The following SLC24A2 variants were observed in gnomAD, a reference collection of about 807,000 sequenced individuals.
SLC24A2 encodes the protein solute carrier family 24 member 2.
Under a neutral mutation model 62.0 loss-of-function variants are expected in SLC24A2, and 36 were observed. That is an observed-to-expected ratio of 0.58 (90% CI 0.44 to 0.77). The LOEUF (loss-of-function observed/expected upper bound fraction) is 0.77. Among genes scored for constraint, SLC24A2 ranks in the 30% least tolerant of loss-of-function variants. SLC24A2 has a pLI of 0.00. For synonymous variants in SLC24A2, 358 were observed against 294.0 expected, an observed-to-expected ratio of 1.22 and a Z score of -2.23; for missense variants, 846 against 817.9, an observed-to-expected ratio of 1.03 and a Z score of -0.42.
chr9:20,209,215 A>C, the SLC24A2 span, among the ~76,000 whole-genome samples: 27 of 152,340 alleles, frequency 1.8e-4, no homozygotes, highest in East Asian at 5.0e-3. Flanking sequence ...TCAGGCTTCA[A>C]GACCAGCTTA....
chr9:20,210,528 T>C, the SLC24A2 span, among the ~76,000 whole-genome samples: 126 of 150,550 alleles, frequency 8.4e-4, 1 homozygote, highest in Middle Eastern at 3.4e-3. Context: ...GGCTGGAGTG[T>C]AGTGGCGCGA....
intron 7 of SLC24A2, among the ~76,000 whole-genome samples, chr9:19,552,743 G>A (rs1563958319): frequency 6.6e-6 from 1 of 152,058 alleles, no homozygotes; most frequent in African/African-American, 2.4e-5. Context: ...ACCAACAGAT[G>A]GTGACATTTC....
the SLC24A2 span, among the ~76,000 whole-genome samples, chr9:19,869,886 C>T: frequency 6.6e-6 from 1 of 152,162 alleles, no homozygotes. Context: ...TGTCTGGTGT[C>T]ACTTCCTTTC....
the SLC24A2 span, among the ~76,000 whole-genome samples, chr9:20,062,068 A>G: frequency 1.3e-5 from 2 of 152,068 alleles, no homozygotes; most frequent in Non-Finnish European, 2.9e-5. Context: ...TCTCTCCAAA[A>G]AGAAAAAGAA....
chr9:19,636,194 G>C (rs1818307011), intron 2 of SLC24A2, among the ~76,000 whole-genome samples: 1 of 151,878 alleles, frequency 6.6e-6, no homozygotes, highest in African/African-American at 2.4e-5. Flanking sequence ...TTGGCTTATT[G>C]GTAGACAATA....
the SLC24A2 span, among the ~76,000 whole-genome samples, chr9:20,102,237 T>C: frequency 6.6e-6 from 1 of 152,144 alleles, no homozygotes; most frequent in Non-Finnish European, 1.5e-5. Context: ...AGAGACTAGA[T>C]TTTCTACTAA....
the SLC24A2 span, among the ~76,000 whole-genome samples, chr9:19,882,821 T>A: frequency 6.6e-6 from 1 of 152,192 alleles, no homozygotes; most frequent in Non-Finnish European, 1.5e-5. Flanking sequence ...AAATGTCATC[T>A]TTTAATATCT....
At chr9:19,909,251 A>T in the SLC24A2 span, among the ~76,000 whole-genome samples, 1 of 151,588 alleles carries the variant, frequency 6.6e-6, no homozygotes, top group Non-Finnish European at 1.5e-5. Flanking sequence ...CAAACGCCGC[A>T]TGTTCTCACT....
chr9:19,961,633 TACTCTC>T, the SLC24A2 span, among the ~76,000 whole-genome samples: 4 of 152,238 alleles, frequency 2.6e-5, no homozygotes, highest in Admixed American at 6.5e-5. Context: ...CTCTGTGTAA[TACTCTC>T]TTCCTGTCAA....
chr9:20,150,752 T>C, the SLC24A2 span, among the ~76,000 whole-genome samples: 1 of 151,778 alleles, frequency 6.6e-6, no homozygotes, highest in African/African-American at 2.4e-5. Flanking sequence ...AATGAAAAAG[T>C]TATACAACTA....
At chr9:20,163,704 A>T in the SLC24A2 span, among the ~76,000 whole-genome samples, 3 of 152,192 alleles carry the variant, frequency 2.0e-5, no homozygotes, top group African/African-American at 4.8e-5. Context: ...ACAAAGCTGG[A>T]GGCATCATGC....
At chr9:20,071,942 A>T in the SLC24A2 span, among the ~76,000 whole-genome samples, 1 of 152,210 alleles carries the variant, frequency 6.6e-6, no homozygotes, top group South Asian at 2.1e-4. Flanking sequence ...ATTTAAAAGC[A>T]TACAAATAAA....
the SLC24A2 span, among the ~76,000 whole-genome samples, chr9:19,821,302 A>T: frequency 6.6e-6 from 1 of 152,194 alleles, no homozygotes; most frequent in Non-Finnish European, 1.5e-5. Flanking sequence ...TGCATCTAGA[A>T]TACAGAAATA....
the SLC24A2 span, among the ~76,000 whole-genome samples, chr9:20,089,539 C>G: frequency 6.6e-6 from 1 of 152,064 alleles, no homozygotes. Flanking sequence ...GCCCCTCTTC[C>G]CTGGGAACCC....
At chr9:20,025,706 C>A in the SLC24A2 span, among the ~76,000 whole-genome samples, 1 of 152,060 alleles carries the variant, frequency 6.6e-6, no homozygotes, top group African/African-American at 2.4e-5. Context: ...CCTGGAACGA[C>A]CAAGTGACCT....
the SLC24A2 span, among the ~76,000 whole-genome samples, chr9:20,107,547 T>C: frequency 6.6e-6 from 1 of 152,124 alleles, no homozygotes; most frequent in Non-Finnish European, 1.5e-5. Flanking sequence ...GCCGCATATC[T>C]ACAACTATCT....
intron 7 of SLC24A2, among the ~76,000 whole-genome samples, chr9:19,570,185 C>T (rs1024321577): frequency 6.6e-6 from 1 of 152,242 alleles, no homozygotes; most frequent in Non-Finnish European, 1.5e-5. Context: ...AGCCAACTTA[C>T]CTTTTCTAGT....
the SLC24A2 span, among the ~76,000 whole-genome samples, chr9:19,850,978 T>TACACATAC: frequency 2.3e-5 from 1 of 43,978 alleles, no homozygotes; most frequent in African/African-American, 9.9e-5. Flanking sequence ...TATATATATA[T>TACACATAC]ATATATGTAT....
chr9:20,090,654 C>T, the SLC24A2 span, among the ~76,000 whole-genome samples: 1 of 152,104 alleles, frequency 6.6e-6, no homozygotes, highest in African/African-American at 2.4e-5. Flanking sequence ...TACAAAGACC[C>T]TGCACAAATC....
Sources: gnomAD v4.1 joint callset for allele counts (sites outside exome capture counted in the v4.1 genomes callset) on GRCh38, gnomAD v4.1.1 for gene constraint, MANE v1.5 for transcripts, NCBI Gene and HGNC (gene_info 2026-07-23, HGNC 2026-07-21) for gene names.